The following SYNJ1 variants were observed in gnomAD, a reference collection of about 807,000 sequenced individuals.
SYNJ1 encodes the protein synaptojanin 1.
In SYNJ1, 78 loss-of-function variants were observed where a neutral mutation model predicts 168.2. That is an observed-to-expected ratio of 0.46 (90% CI 0.39 to 0.56). The LOEUF is 0.56. Among genes scored for constraint, SYNJ1 ranks in the 20% least tolerant of loss-of-function variants. The probability of loss-of-function intolerance (pLI) is 0.00; values close to 1 mark genes in which losing one functional copy is unlikely to be tolerated. For synonymous variants in SYNJ1, 539 were observed against 548.6 expected (o/e 0.98, Z 0.24); for missense variants, 1,303 against 1,597.6 (o/e 0.82, Z 3.14).
intron 6 of SYNJ1, among the ~76,000 whole-genome samples, chr21:32,693,312 C>T (rs1343629963): frequency 6.6e-6 from 1 of 152,098 alleles, no homozygotes; most frequent in Non-Finnish European, 1.5e-5. Context: ...TATCTATTTA[C>T]GTTATCCCTA....
chr21:32,631,479 G>A lies in SYNJ1; in HGVS notation c.*326C>T. On this transcript the variant is annotated 3_prime_UTR_variant, in exon 33 of 33. Coordinates refer to ENST00000674351, the MANE Select transcript of SYNJ1 (RefSeq NM_203446.3). The stretch of plus-strand genomic sequence containing the variant: ...AGACTTGGCTCTAAATGGGTTTCCA[G>A]GAGCAGCAGTCCTGTCACTGAAAGG... 6.2e-7 allele frequency: 1 copy of A among 1,614,144 alleles called. No homozygotes were observed. The highest frequency in any genetic ancestry group is 8.5e-7 in the Non-Finnish European group (1 of 1,180,020).
At chr21:32,650,582 C>T (rs2040238806) in intron 22 of SYNJ1, among the ~76,000 whole-genome samples, 1 of 152,176 alleles carries the variant, frequency 6.6e-6, no homozygotes, top group Admixed American at 6.5e-5. Flanking sequence ...TTCTAGGATG[C>T]CCAGAGATGC....
intron 12 of SYNJ1, among the ~76,000 whole-genome samples, chr21:32,677,008 A>G (rs1471660351): frequency 6.6e-6 from 1 of 152,238 alleles, no homozygotes; most frequent in African/African-American, 2.4e-5. Flanking sequence ...AACCATTAAT[A>G]AGGCACTTCA....
intron 2 of SYNJ1, among the ~76,000 whole-genome samples, chr21:32,707,658 T>C (rs539174216): frequency 1.3e-5 from 2 of 152,240 alleles, no homozygotes; most frequent in Non-Finnish European, 2.9e-5. Flanking sequence ...CTCAACACAA[T>C]ACCTAACCTA....
In SYNJ1 at chr21:32,638,819, C is replaced by G. The variant is rs1159047094; in HGVS notation, c.3915+89G>C. On this transcript the variant is annotated intron_variant, in intron 31 of 32. Transcript: ENST00000674351. ...TTAAAACTCGTATTTATTTTTACTT[C>G]TTATAACAGGCAATAATTAAAATAG... 2.4e-6 allele frequency: 3 copies of G among 1,271,050 alleles called. No homozygotes were observed. In the African/African-American group the frequency reaches 4.5e-5, roughly 19 times the overall value. The allele number at this position is 1,271,050 out of a possible 1,614,324, so 78.7% of individuals were successfully genotyped here.
intron 2 of SYNJ1, among the ~76,000 whole-genome samples, chr21:32,721,158 C>T (rs1202098187): frequency 1.3e-5 from 2 of 152,222 alleles, no homozygotes; most frequent in Non-Finnish European, 2.9e-5. Flanking sequence ...GCAAACTAGT[C>T]ACAGAGCTCA....
At position 32,631,571 on chromosome 21, in the gene SYNJ1, C is replaced by G. The variant is rs777299829; in HGVS notation, c.*234G>C. ...TTCGCATATTTTCCTGGGATTGACT[C>G]CGAGCTGGAATTGGAGGCATTGTTG... On this transcript the variant is annotated 3_prime_UTR_variant, in exon 33 of 33. Transcript: ENST00000674351. 8 of 1,614,046 alleles carry G rather than the reference C, an allele frequency of 5.0e-6. No homozygotes were observed. In the South Asian group the frequency reaches 7.7e-5, roughly 16 times the overall value.
intron 2 of SYNJ1, among the ~76,000 whole-genome samples, chr21:32,704,717 T>C (rs1293612430): frequency 1.3e-5 from 2 of 152,026 alleles, no homozygotes; most frequent in African/African-American, 2.4e-5. Flanking sequence ...ACCTATGCAG[T>C]GGAGGAGGCT....
intron 22 of SYNJ1, among the ~76,000 whole-genome samples, chr21:32,650,751 T>C (rs767847657): frequency 3.9e-5 from 6 of 152,240 alleles, no homozygotes; most frequent in Non-Finnish European, 8.8e-5. Context: ...ATCTTTAAAA[T>C]GCATTTCCTG....
At chr21:32,728,198 C>G, upstream of SYNJ1, 1 of 834,584 alleles carries the variant, frequency 1.2e-6, no homozygotes, top group Non-Finnish European at 1.8e-6. Context: ...GCGGCCGCCC[C>G]CAGGCAGAGC....
intron 2 of SYNJ1, among the ~76,000 whole-genome samples, chr21:32,711,242 A>C (rs557172681): frequency 6.6e-4 from 101 of 152,310 alleles, no homozygotes; most frequent in African/African-American, 2.4e-3. Context: ...GAGTATAAAT[A>C]TATCAATTGT....
intron 15 of SYNJ1, 44 bp downstream of exon 15, chr21:32,670,244 C>G: frequency 6.5e-7 from 1 of 1,540,186 alleles, no homozygotes; most frequent in Non-Finnish European, 9.0e-7. Flanking sequence ...CCATAGTTTC[C>G]CTCAACTGGC....
chr21:32,665,919 C>T, intron 17 of SYNJ1, 24 bp downstream of exon 17: 1 of 1,557,986 alleles, frequency 6.4e-7, no homozygotes, highest in Non-Finnish European at 8.7e-7. Context: ...GCTTTATCTT[C>T]AAGAACAAGC....
chr21:32,653,283 C>T lies in SYNJ1; in HGVS notation c.2874+5G>A, dbSNP rs371765751. The T allele has an allele frequency of 1.6e-4, 262 of 1,610,382 alleles. 1 individual carries two copies. The highest frequency in any genetic ancestry group is 1.4e-3 in the Admixed American group (82 of 59,850). Reference sequence around the variant, plus strand: ...ATGGTTTAGAATCAACAAATGCTACCTTACCTCTTTACCATTTAGGCTCAG... The same window carrying T: ...ATGGTTTAGAATCAACAAATGCTACTTTACCTCTTTACCATTTAGGCTCAG... On this transcript the variant is annotated splice_donor_5th_base_variant and intron_variant, in intron 22 of 32. Transcript: ENST00000674351.
At chr21:32,704,403 T>C (rs143416607) in intron 2 of SYNJ1, among the ~76,000 whole-genome samples, 1 of 152,346 alleles carries the variant, frequency 6.6e-6, no homozygotes, top group East Asian at 1.9e-4. Flanking sequence ...TACATTTGTA[T>C]CTGAAGGACA....
At chr21:32,633,965 TATAAA>T (rs2039452376) in intron 32 of SYNJ1, among the ~76,000 whole-genome samples, 1 of 152,184 alleles carries the variant, frequency 6.6e-6, no homozygotes, top group Non-Finnish European at 1.5e-5. Flanking sequence ...ATATAGATAT[TATAAA>T]ATTAACTCTA....
intron 11 of SYNJ1, among the ~76,000 whole-genome samples, chr21:32,680,953 CCTTT>C (rs1485806420): frequency 1.3e-5 from 2 of 152,150 alleles, no homozygotes; most frequent in Admixed American, 6.5e-5. Context: ...TTGATAGCCA[CCTTT>C]CTAAGGTAAG....
At chr21:32,669,569 T>A (rs559672815) in intron 15 of SYNJ1, among the ~76,000 whole-genome samples, 1 of 152,330 alleles carries the variant, frequency 6.6e-6, no homozygotes, top group Non-Finnish European at 1.5e-5. Context: ...AAGATGAATT[T>A]TAGATAATAG....
intron 24 of SYNJ1, 169 bp from the exon 25 acceptor site, chr21:32,645,958 T>G (rs1262712111): frequency 9.7e-7 from 1 of 1,026,956 alleles, no homozygotes; most frequent in East Asian, 2.4e-5. Flanking sequence ...TAAACTGCCC[T>G]TTGGTACCAT....
Sources: gnomAD v4.1 joint callset for allele counts (sites outside exome capture counted in the v4.1 genomes callset) on GRCh38, gnomAD v4.1.1 for gene constraint, MANE v1.5 for transcripts, NCBI Gene and HGNC (gene_info 2026-07-23, HGNC 2026-07-21) for gene names.